PPP2R2A: variants seen among roughly 807,000 people sequenced by gnomAD.
The protein encoded by PPP2R2A is protein phosphatase 2 regulatory subunit Balpha.
In PPP2R2A, 9 loss-of-function variants were observed where a neutral mutation model predicts 53.2. The observed-to-expected ratio is 0.17, with a 90% confidence interval of 0.10 to 0.30. The LOEUF is 0.30. Ranked by LOEUF, PPP2R2A falls within the 10% of genes least tolerant of loss-of-function variation. PPP2R2A has a pLI of 1.00. For synonymous variants in PPP2R2A, 169 were observed against 174.2 expected (o/e 0.97, Z 0.23); for missense variants, 235 against 534.6 (o/e 0.44, Z 5.53).
chr8:26,293,746 A>G lies in PPP2R2A; in HGVS notation c.82+6A>G, dbSNP rs747319369. ...AGATGATGATGTAGCAGAAGGTAAG[A>G]AAGCGTTTAATGCAAAATTTGGATA... On this transcript the variant is annotated splice_donor_region_variant and intron_variant, in intron 2 of 9. Transcript: ENST00000380737. The G allele has an allele frequency of 1.2e-6, 2 of 1,613,246 alleles. No homozygotes were observed. Among genetic ancestry groups the G allele is most frequent in the Non-Finnish European group, 1.7e-6 (2 of 1,179,360 alleles).
rs1196977167 is a variant in PPP2R2A, at chr8:26,360,898, G to A, written c.460-76G>A. 7.2e-7 allele frequency: 1 copy of A among 1,379,886 alleles called. No individual in the cohort carries two copies. Among genetic ancestry groups the A allele is most frequent in the Non-Finnish European group, 9.9e-7 (1 of 1,013,218 alleles). 85.5% of individuals were successfully genotyped at this position (1,379,886 alleles called of 1,614,324 possible). ...TTATGTTCTCAAAAACTGAAATAATGAAGTTTTCTGAATCTTAATTGCTAT... is the reference window on the plus strand; with the variant it reads ...TTATGTTCTCAAAAACTGAAATAATAAAGTTTTCTGAATCTTAATTGCTAT... On this transcript the variant is annotated intron_variant, in intron 5 of 9. Transcript: ENST00000380737. This position sits in a 1 kb window ranked among gnomAD's most constrained non-coding sequence, Gnocchi z 4.5.
chr8:26,363,105 T>C (rs1027930318), intron 7 of PPP2R2A: 4 of 331,586 alleles, frequency 1.2e-5, no homozygotes, highest in African/African-American at 6.4e-5. Context: ...TAACTTGCGG[T>C]TGGGCTCTGT....
chr8:26,336,235 G>A (rs1399976507), intron 2 of PPP2R2A, among the ~76,000 whole-genome samples: 1 of 151,950 alleles, frequency 6.6e-6, no homozygotes, highest in African/African-American at 2.4e-5. Context: ...ACCAGCCTGG[G>A]CAACATGGCA....
chr8:26,339,249 G>A (rs1440576683), intron 3 of PPP2R2A, among the ~76,000 whole-genome samples: 1 of 152,136 alleles, frequency 6.6e-6, no homozygotes, highest in African/African-American at 2.4e-5. Flanking sequence ...GAAAGTGATG[G>A]AATAATCCAA....
Position 26,360,096 on chromosome 8 carries a change from T to A in PPP2R2A, c.347-73T>A. The A allele has an allele frequency of 1.4e-6, 1 of 725,220 alleles. No individual in the cohort carries two copies. 44.9% of individuals were successfully genotyped at this position (725,220 alleles called of 1,614,324 possible). On this transcript the variant is annotated intron_variant, in intron 4 of 9. Transcript: ENST00000380737. The surrounding 1 kb of genome is among the most constrained non-coding windows in gnomAD (Gnocchi z 4.5). ...GAATCCTTTTACGTGAAATGTGAAA[T>A]AGCATATTTTAAATGCCTTAAAATG...
intron 2 of PPP2R2A, among the ~76,000 whole-genome samples, chr8:26,298,910 T>G (rs944296387): frequency 2.6e-5 from 4 of 152,248 alleles, no homozygotes. Flanking sequence ...TGTTTAAATT[T>G]TACTTGTGGA....
chr8:26,358,849 A>G (rs1804927980), intron 4 of PPP2R2A: 2 of 444,502 alleles, frequency 4.5e-6, no homozygotes, highest in South Asian at 1.6e-5. Flanking sequence ...AGAATTCTAA[A>G]TAAGACGTGG....
chr8:26,363,230 C>A (rs111917049), intron 7 of PPP2R2A: 799 of 72,544 alleles, frequency 0.011, 5 homozygotes, highest in Middle Eastern at 0.02. Context: ...AAAAAAAAAA[C>A]AACTTTGGTT....
rs1805034186 is a variant in PPP2R2A at position 26,360,694 on chromosome 8, CATTT to C, written c.460-276_460-273del. The C allele has an allele frequency of 2.6e-6, 1 of 386,540 alleles. No individual in the cohort carries two copies. The highest frequency in any genetic ancestry group is 4.5e-6 in the Non-Finnish European group (1 of 220,304). 23.9% of individuals were successfully genotyped at this position (386,540 alleles called of 1,614,324 possible). A position where few individuals can be genotyped will look rare whatever the true frequency, so the allele number is the denominator to read the frequency against. ...TAGCCTCTTTAATCTGAACCATAAA[CATTT>C]ATTAGCTTGGCATGTCTTTCAAGCA... On this transcript the variant is annotated intron_variant, in intron 5 of 9. Transcript: ENST00000380737. The surrounding 1 kb of genome is among the most constrained non-coding windows in gnomAD (Gnocchi z 4.5).
At chr8:26,324,619 G>C (rs1466441983) in intron 2 of PPP2R2A, among the ~76,000 whole-genome samples, 2 of 152,158 alleles carry the variant, frequency 1.3e-5, no homozygotes, top group Non-Finnish European at 2.9e-5. Flanking sequence ...CCCCCACACA[G>C]AGTCCCTACT....
chr8:26,314,604 T>A (rs548470863), intron 2 of PPP2R2A, among the ~76,000 whole-genome samples: 1 of 152,332 alleles, frequency 6.6e-6, no homozygotes, highest in South Asian at 2.1e-4. Flanking sequence ...CACTTTCAAG[T>A]TTGGCTGGTT....
chr8:26,343,290 A>T (rs1261965188), intron 3 of PPP2R2A, among the ~76,000 whole-genome samples: 1 of 152,166 alleles, frequency 6.6e-6, no homozygotes, highest in African/African-American at 2.4e-5. Context: ...GCTAACATTT[A>T]TAGGGCTTTC....
At position 26,340,897 on chromosome 8, in the gene PPP2R2A, TTTTAAAGA is replaced by T. The variant is rs1803911108; in HGVS notation, c.180+1912_180+1919del. On this transcript the variant is annotated intron_variant, in intron 3 of 9. Transcript: ENST00000380737. Reference sequence around the variant, plus strand: ...TGTATTAGAAAATAAGACAAAATTATTTTAAAGATAATCATTTCCCGTGATTCTTTTCT... The same window carrying T: ...TGTATTAGAAAATAAGACAAAATTATTAATCATTTCCCGTGATTCTTTTCT... Among the ~76,000 whole-genome samples, 4 of 152,280 alleles carry T rather than the reference TTTTAAAGA, an allele frequency of 2.6e-5. No homozygotes were observed. In the South Asian group the frequency reaches 8.3e-4, roughly 32 times the overall value.
intron 3 of PPP2R2A, among the ~76,000 whole-genome samples, chr8:26,347,847 G>C (rs1804297613): frequency 6.6e-6 from 1 of 152,120 alleles, no homozygotes; most frequent in South Asian, 2.1e-4. Flanking sequence ...GCAAAATCTT[G>C]AAGTGCTCCA....
At chr8:26,334,827 G>T (rs779415792) in intron 2 of PPP2R2A, among the ~76,000 whole-genome samples, 1 of 152,154 alleles carries the variant, frequency 6.6e-6, no homozygotes, top group African/African-American at 2.4e-5. Context: ...TCTGGTAGCC[G>T]CTAGCTACAT....
rs545889333 is a variant in PPP2R2A, at chr8:26,358,111, A to G, written c.347-2058A>G. On this transcript the variant is annotated intron_variant, in intron 4 of 9. Transcript: ENST00000380737. ...TACTGAAAAATGTATCCTAATTCAT[A>G]TGTGTCCTGTGTTTGTGTTAAGGAA... Among the ~76,000 whole-genome samples, 12 of 144,240 alleles carry G rather than the reference A, an allele frequency of 8.3e-5. No individual in the cohort carries two copies. In the South Asian group the frequency reaches 2.7e-3, roughly 32 times the overall value. The allele number at this position is 144,240 out of a possible 152,430, so 94.6% of individuals were successfully genotyped here. A position where few individuals can be genotyped will look rare whatever the true frequency, so the allele number is the denominator to read the frequency against.
At chr8:26,350,827 A>C (rs888940836) in intron 3 of PPP2R2A, 1 of 152,124 alleles carries the variant, frequency 6.6e-6, no homozygotes, top group African/African-American at 2.4e-5. Flanking sequence ...CTTTCTTTAC[A>C]CTTTTTGTAG....
At chr8:26,312,795 T>C (rs1802350766) in intron 2 of PPP2R2A, among the ~76,000 whole-genome samples, 1 of 152,194 alleles carries the variant, frequency 6.6e-6, no homozygotes, top group Admixed American at 6.5e-5. Context: ...TCCTTACCCT[T>C]GAGGCACCTG....
chr8:26,367,610 C>T (rs918661804), intron 9 of PPP2R2A, among the ~76,000 whole-genome samples: 1 of 152,246 alleles, frequency 6.6e-6, no homozygotes, highest in Non-Finnish European at 1.5e-5. Flanking sequence ...TATTTGTCCA[C>T]ATAGGTACGT....
Sources: allele counts gnomAD v4.1 joint callset (sites outside exome capture counted in the v4.1 genomes callset), GRCh38; gene constraint gnomAD v4.1.1; non-coding constraint Gnocchi (gnomAD v3.1); transcripts MANE v1.5; gene names NCBI Gene and HGNC (gene_info 2026-07-23, HGNC 2026-07-21).